The following POGZ variants were observed in gnomAD, a reference collection of about 807,000 sequenced individuals.
POGZ encodes pogo transposable element with ZNF domain.
POGZ carries 17 observed loss-of-function variants against 134.6 expected under a neutral mutation model. The ratio of observed to expected loss-of-function variants is 0.13; its 90% CI spans 0.09 to 0.19. The LOEUF (loss-of-function observed/expected upper bound fraction) is 0.19, where lower values mean the gene tolerates loss of function less well. Among genes scored for constraint, POGZ ranks in the 10% least tolerant of loss-of-function variants. POGZ has a pLI of 1.00. For missense variants in POGZ, 1,306 were observed against 1,769.7 expected, an observed-to-expected ratio of 0.74 and a Z score of 4.70; for synonymous variants, 693 against 657.1, an observed-to-expected ratio of 1.05 and a Z score of -0.84.
rs1663252438 is a variant in POGZ, at chr1:151,459,454, C to T, written c.-304G>A. 6.6e-6 allele frequency: 1 copy of T among 152,050 alleles called. No homozygotes were observed. The highest frequency in any genetic ancestry group is 6.5e-5 in the Admixed American group (1 of 15,272). 9.4% of individuals were successfully genotyped at this position (152,050 alleles called of 1,614,324 possible). On this transcript the variant is annotated 5_prime_UTR_variant, in exon 1 of 19. Transcript: ENST00000271715. ...GGAGCTGGCGCGGGGGAGAGAGACGCCGACTCCCCCCACCGACCCTCTCGC... is the reference window on the plus strand; with the variant it reads ...GGAGCTGGCGCGGGGGAGAGAGACGTCGACTCCCCCCACCGACCCTCTCGC...
At chr1:151,417,887 C>T (rs1656062438) in intron 10 of POGZ, among the ~76,000 whole-genome samples, 1 of 151,978 alleles carries the variant, frequency 6.6e-6, no homozygotes, top group South Asian at 2.1e-4. Flanking sequence ...ATCTGCACTC[C>T]CATGTTTATT....
chr1:151,433,687 C>T (rs1001110833), intron 3 of POGZ, among the ~76,000 whole-genome samples: 9 of 149,894 alleles, frequency 6.0e-5, no homozygotes, highest in Non-Finnish European at 1.2e-4. Context: ...AGATTAGATT[C>T]ACAATGCAAT....
At chr1:151,417,550 C>T (rs1366680200) in intron 10 of POGZ, among the ~76,000 whole-genome samples, 1 of 151,452 alleles carries the variant, frequency 6.6e-6, no homozygotes, top group East Asian at 1.9e-4. Context: ...TTAGTACAGA[C>T]AGGGTTTCAC....
intron 3 of POGZ, among the ~76,000 whole-genome samples, chr1:151,440,133 TA>T (rs1260685427): frequency 1.1e-4 from 17 of 151,586 alleles, no homozygotes; most frequent in Non-Finnish European, 1.5e-5. Context: ...AGAATAAAAG[TA>T]ACCATCAGTT....
At chr1:151,423,814 T>C in intron 9 of POGZ, 135 bp downstream of exon 9, 1 of 702,064 alleles carries the variant, frequency 1.4e-6, no homozygotes, top group Non-Finnish European at 2.3e-6. Context: ...ATAGTCCTAG[T>C]TATTGATTTA....
At chr1:151,408,851 A>G (rs1186849780) in intron 12 of POGZ, 23 bp from the exon 13 acceptor site, 1 of 1,327,966 alleles carries the variant, frequency 7.5e-7, no homozygotes, top group South Asian at 1.2e-5. Flanking sequence ...AGGGAAAAAA[A>G]GAGACAAAAT....
At chr1:151,436,986 G>C (rs113724832) in intron 3 of POGZ, among the ~76,000 whole-genome samples, 35 of 152,254 alleles carry the variant, frequency 2.3e-4, no homozygotes, top group African/African-American at 8.2e-4. Context: ...TTGAGGTCAG[G>C]AGTTTGAGAC....
intron 3 of POGZ, among the ~76,000 whole-genome samples, chr1:151,436,555 T>C (rs1276615539): frequency 1.3e-5 from 2 of 152,188 alleles, no homozygotes; most frequent in Non-Finnish European, 2.9e-5. Flanking sequence ...ACGATTCTCC[T>C]GCCTCAGCCT....
chr1:151,448,596 C>T (rs886928807), intron 1 of POGZ, among the ~76,000 whole-genome samples: 1 of 152,030 alleles, frequency 6.6e-6, no homozygotes, highest in Non-Finnish European at 1.5e-5. Context: ...CCTGTAATCC[C>T]ACCACTTCAG....
At chr1:151,452,347 T>C (rs542320725) in intron 1 of POGZ, among the ~76,000 whole-genome samples, 3 of 151,864 alleles carry the variant, frequency 2.0e-5, no homozygotes. Context: ...AGCAAATACA[T>C]AGATATTTGG....
chr1:151,409,677 A>C (rs934770128), intron 12 of POGZ, among the ~76,000 whole-genome samples: 5 of 151,902 alleles, frequency 3.3e-5, no homozygotes, highest in African/African-American at 1.2e-4. Context: ...ATGTTGTCTC[A>C]CCATGTTGCC....
At chr1:151,430,883 C>A in intron 3 of POGZ, 42 bp from the exon 4 acceptor site, 1 of 1,329,342 alleles carries the variant, frequency 7.5e-7, no homozygotes, top group Non-Finnish European at 1.0e-6. Context: ...ATGTTAGAAA[C>A]AATGTTAAAC....
chr1:151,435,427 T>A (rs1389640540), intron 3 of POGZ, among the ~76,000 whole-genome samples: 1 of 152,132 alleles, frequency 6.6e-6, no homozygotes, highest in African/African-American at 2.4e-5. Flanking sequence ...TTTAAAATAC[T>A]GAGTAGTAAA....
intron 12 of POGZ, 76 bp from the exon 13 acceptor site, chr1:151,408,904 C>T (rs377056902): frequency 1.3e-5 from 16 of 1,255,854 alleles, no homozygotes; most frequent in Middle Eastern, 1.9e-4. Context: ...GAGGAGAAAG[C>T]AGATCAATGT....
chr1:151,430,737 G>C lies in POGZ; in HGVS notation c.388C>G (p.Gln130Glu). The change falls in exon 4 of 19, where the codon CAG (glutamine) becomes GAG (glutamate). Residue 130 changes from glutamine (Q) to glutamate (E), a missense_variant. Transcript: ENST00000271715. ...MVTQPVLRPV[Q>E]VMQNANHVTS... ...ACATGATTGGCATTCTGCATGACCT[G>C]AACAGGCCTCAATACTGGTTGAGTA... The C allele has an allele frequency of 2.5e-6, 4 of 1,608,976 alleles. No homozygotes were observed. The highest frequency in any genetic ancestry group is 3.4e-6 in the Non-Finnish European group (4 of 1,177,846).
intron 1 of POGZ, among the ~76,000 whole-genome samples, chr1:151,458,761 C>A (rs963157128): frequency 6.9e-6 from 1 of 145,614 alleles, no homozygotes; most frequent in Non-Finnish European, 1.5e-5. Flanking sequence ...CGCCTCGCGC[C>A]GAGCGTGCGT....
intron 10 of POGZ, 66 bp downstream of exon 10, chr1:151,423,331 C>G: frequency 1.5e-6 from 2 of 1,348,056 alleles, no homozygotes; most frequent in Non-Finnish European, 2.1e-6. Context: ...TGGGCTCCCC[C>G]CAGCGCCATT....
chr1:151,446,265 A>C (rs1661255895), intron 1 of POGZ, among the ~76,000 whole-genome samples: 1 of 132,270 alleles, frequency 7.6e-6, no homozygotes, highest in South Asian at 2.6e-4. Flanking sequence ...AAAAAAAAAA[A>C]AAAAAAAAAC....
At chr1:151,426,891 G>A (rs1418838613) in intron 7 of POGZ, 1 of 152,022 alleles carries the variant, frequency 6.6e-6, no homozygotes, top group East Asian at 1.9e-4. Context: ...TGGATATCTA[G>A]TTTTCCCAAC....
Sources: allele counts gnomAD v4.1 joint callset (sites outside exome capture counted in the v4.1 genomes callset), GRCh38; gene constraint gnomAD v4.1.1; transcripts MANE v1.5; gene names NCBI Gene and HGNC (gene_info 2026-07-23, HGNC 2026-07-21).